Variants in LRRC49 observed in about 807,000 individuals in gnomAD.
LRRC49 encodes leucine-rich repeat-containing protein 49.
In LRRC49, 50 loss-of-function variants were observed where a neutral mutation model predicts 83.3. That is an observed-to-expected ratio of 0.60 (90% confidence interval 0.48 to 0.76). The LOEUF (loss-of-function observed/expected upper bound fraction) is 0.76, where lower values mean the gene tolerates loss of function less well. Among genes scored for constraint, LRRC49 ranks in the 30% least tolerant of loss-of-function variants. The pLI is 0.00. For missense variants in LRRC49, 704 were observed against 809.1 expected (o/e 0.87, Z 1.58); for synonymous variants, 286 against 283.3 (o/e 1.01, Z -0.10).
chr15:71,028,984 C>T (rs142293688), intron 14 of LRRC49, among the ~76,000 whole-genome samples: 24 of 152,184 alleles, frequency 1.6e-4, no homozygotes, highest in African/African-American at 4.8e-4. Flanking sequence ...TTGTCTTCTG[C>T]TAGTTTTAGA....
At chr15:71,049,209 A>C (rs2039946551) in intron 15 of LRRC49, among the ~76,000 whole-genome samples, 200 bp from the exon 16 acceptor site, 2 of 152,146 alleles carry the variant, frequency 1.3e-5, no homozygotes, top group Non-Finnish European at 2.9e-5. Flanking sequence ...ACTGAGAAGT[A>C]CTGAGACCCT....
chr15:71,043,556 C>T (rs1008600150), intron 15 of LRRC49, among the ~76,000 whole-genome samples: 7 of 152,090 alleles, frequency 4.6e-5, no homozygotes, highest in African/African-American at 1.4e-4. Context: ...ATGGGATCAT[C>T]CTGGACAGGC....
At position 70,922,534 on chromosome 15, in the gene LRRC49, A is replaced by G. The variant is rs578078535; in HGVS notation, c.711+3341A>G. Among the ~76,000 whole-genome samples the G allele has an allele frequency of 3.3e-5, 5 of 152,200 alleles. No homozygotes were observed. In the South Asian group the frequency reaches 8.3e-4, roughly 25 times the overall value. ...ATGGTTATCAGAGGCTGAGAAGGGT[A>G]GTGGGGGGTTGAGGGGAGGTGGAGA... is the stretch of plus-strand genomic sequence containing the variant. On this transcript the variant is annotated intron_variant, in intron 7 of 15. Coordinates refer to ENST00000260382, the MANE Select transcript of LRRC49 (RefSeq NM_017691.5).
At chr15:70,949,107 C>T (rs1349986097) in intron 8 of LRRC49, among the ~76,000 whole-genome samples, 1 of 152,126 alleles carries the variant, frequency 6.6e-6, no homozygotes, top group African/African-American at 2.4e-5. Flanking sequence ...CATTTTAAAA[C>T]ATAGAGGCCA....
At chr15:70,887,710 T>C (rs938790210), upstream of LRRC49, among the ~76,000 whole-genome samples, 5 of 152,166 alleles carry the variant, frequency 3.3e-5, no homozygotes, top group Admixed American at 6.5e-5. Context: ...CCCTCACCTC[T>C]TCTGTTCCCA....
chr15:71,037,438 C>T (rs2039559309), intron 15 of LRRC49, 106 bp downstream of exon 15: 3 of 957,680 alleles, frequency 3.1e-6, no homozygotes, highest in Non-Finnish European at 4.6e-6. Flanking sequence ...CTTTTTTGTT[C>T]TGGAATATTT....
chr15:70,968,095 C>T lies in LRRC49; in HGVS notation c.921+4163C>T, dbSNP rs190417875. ...TGGTGGTTTGCTGCACCTATCAACCCGTAATCTGCATTAGATATTTCTCCT... is the reference window on the plus strand; with the variant it reads ...TGGTGGTTTGCTGCACCTATCAACCTGTAATCTGCATTAGATATTTCTCCT... On this transcript the variant is annotated intron_variant, in intron 9 of 15. Coordinates refer to ENST00000260382, the MANE Select transcript of LRRC49 (RefSeq NM_017691.5). 2.4e-4 allele frequency among the ~76,000 whole-genome samples: 37 copies of T among 152,004 alleles called. No homozygotes were observed. The East Asian group carries it at 3.1e-3, about 13-fold the overall frequency.
At chr15:70,966,518 G>C (rs905435794) in intron 9 of LRRC49, among the ~76,000 whole-genome samples, 9 of 152,084 alleles carry the variant, frequency 5.9e-5, no homozygotes, top group Non-Finnish European at 1.3e-4. Flanking sequence ...TGTCCAATGT[G>C]ATTCTCTGTT....
At chr15:71,008,940 C>G (rs969508454) in intron 12 of LRRC49, among the ~76,000 whole-genome samples, 1 of 151,802 alleles carries the variant, frequency 6.6e-6, no homozygotes, top group African/African-American at 2.4e-5. Flanking sequence ...CCTATGGTAC[C>G]TGGTAATGGT....
At chr15:70,877,660 A>T (rs1033954684) in intron 2 of LRRC49, among the ~76,000 whole-genome samples, 1 of 152,182 alleles carries the variant, frequency 6.6e-6, no homozygotes, top group African/African-American at 2.4e-5. Flanking sequence ...TTGTGTGGAC[A>T]TGTGTTTTCT....
rs373744619 is a variant in LRRC49 at position 70,972,604 on chromosome 15, G to T, written c.922-7497G>T. Among the ~76,000 whole-genome samples the T allele has an allele frequency of 2.0e-5, 3 of 151,668 alleles. 1 individual carries two copies. In the South Asian group the frequency reaches 6.2e-4, roughly 32 times the overall value. On this transcript the variant is annotated intron_variant, in intron 9 of 15. Coordinates refer to ENST00000260382, the MANE Select transcript of LRRC49 (RefSeq NM_017691.5). ...TTTCCAACTTGCTTCCATTCTCCCC[G>T]TCACTTTCAGGTACAGCAATCAAAT...
At chr15:70,906,456 C>T (rs2034318317) in intron 5 of LRRC49, among the ~76,000 whole-genome samples, 1 of 152,192 alleles carries the variant, frequency 6.6e-6, no homozygotes, top group African/African-American at 2.4e-5. Context: ...GCCTTGCTTG[C>T]AGTTATTCTT....
At chr15:70,931,790 T>A (rs1180838935) in intron 7 of LRRC49, among the ~76,000 whole-genome samples, 1 of 152,228 alleles carries the variant, frequency 6.6e-6, no homozygotes, top group Non-Finnish European at 1.5e-5. Flanking sequence ...ATAGTCAGGA[T>A]GTTGCAAAGC....
At position 70,892,894 on chromosome 15, in the gene LRRC49, C is replaced by G. The variant is rs376001005; in HGVS notation, c.-1C>G. ...ACAGAGAACCTGGACTGTCTCCTAT[C>G]ATGATTCCCGGGAAATATCGCTCTG... On this transcript the variant is annotated 5_prime_UTR_variant, in exon 1 of 16. In the 5' UTR this introduces an upstream ATG that the reference lacks. Coordinates refer to ENST00000260382, the MANE Select transcript of LRRC49 (RefSeq NM_017691.5). 6.2e-7 allele frequency: 1 copy of G among 1,614,216 alleles called. No individual in the cohort carries two copies. Among genetic ancestry groups the G allele is most frequent in the African/African-American group, 1.3e-5 (1 of 75,056 alleles).
In LRRC49 at chr15:70,936,725, T is replaced by C. The variant is rs186077936; in HGVS notation, c.712-36T>C. 6 of 1,339,068 alleles carry C rather than the reference T, an allele frequency of 4.5e-6. No homozygotes were observed. In the Admixed American group the frequency reaches 5.1e-5, roughly 11 times the overall value. 82.9% of individuals were successfully genotyped at this position (1,339,068 alleles called of 1,614,324 possible). A position where few individuals can be genotyped will look rare whatever the true frequency, so the allele number is the denominator to read the frequency against. On this transcript the variant is annotated intron_variant, in intron 7 of 15. Transcript: ENST00000260382. The stretch of plus-strand genomic sequence containing the variant: ...AAGACATTTATAATATTTTTTTCTT[T>C]CATCTGATTAAGTTTTGCTGTCTAT...
rs371934876 is a variant in LRRC49, at chr15:70,898,684, G to T, written c.194-2238G>T. 6.2e-4 allele frequency among the ~76,000 whole-genome samples: 94 copies of T among 152,302 alleles called. No homozygotes were observed. The South Asian group carries it at 0.018, about 30-fold the overall frequency. The stretch of plus-strand genomic sequence containing the variant: ...TGTAGTCCCAGGTATTCGAGAGGCT[G>T]AGGTAGGAGGATCACTTGAGCCTGG... On this transcript the variant is annotated intron_variant, in intron 3 of 15. Coordinates refer to ENST00000260382, the MANE Select transcript of LRRC49 (RefSeq NM_017691.5).
intron 8 of LRRC49, among the ~76,000 whole-genome samples, chr15:70,947,280 A>G (rs2036042531): frequency 6.6e-6 from 1 of 152,148 alleles, no homozygotes; most frequent in Non-Finnish European, 1.5e-5. Flanking sequence ...TTACAATTTC[A>G]TTAAAATACC....
intron 1 of LRRC49, chr15:70,893,191 G>A (rs185991599): frequency 7.2e-4 from 428 of 593,296 alleles, no homozygotes; most frequent in African/African-American, 7.2e-3. Context: ...AAAGGCTTGG[G>A]TTTATTTAAA....
chr15:70,879,491 A>T (rs2033218419), intron 2 of LRRC49, among the ~76,000 whole-genome samples: 1 of 152,232 alleles, frequency 6.6e-6, no homozygotes, highest in Non-Finnish European at 1.5e-5. Context: ...CAGCTGGTTA[A>T]CTTGGCTGGA....
Sources: gnomAD v4.1 joint callset for allele counts (sites outside exome capture counted in the v4.1 genomes callset) on GRCh38, gnomAD v4.1.1 for gene constraint, MANE v1.5 for transcripts, NCBI Gene and HGNC (gene_info 2026-07-23, HGNC 2026-07-21) for gene names.